The following FOXO3B variants were observed in gnomAD, a reference collection of about 807,000 sequenced individuals.
FOXO3B encodes the protein forkhead box O3B.
Under a neutral mutation model 21.9 loss-of-function variants are expected in FOXO3B, and 15 were observed. That is an observed-to-expected ratio of 0.68 (90% confidence interval 0.46 to 1.05). The LOEUF is 1.05. Among genes scored for constraint, FOXO3B ranks in the 50% least tolerant of loss-of-function variants. The pLI, the probability that FOXO3B is intolerant of heterozygous loss-of-function variation, is 0.00. For missense variants in FOXO3B, 293 were observed against 435.5 expected (o/e 0.67, Z 2.91); for synonymous variants, 135 against 213.6 (o/e 0.63, Z 3.21).
At position 18,671,041 on chromosome 17, in the gene FOXO3B, G is replaced by A. The variant is rs572953433; in HGVS notation, c.*1268C>T. The A allele has an allele frequency of 1.6e-4, 181 of 1,102,060 alleles. No individual in the cohort carries two copies. In the African/African-American group the frequency reaches 2.4e-3, roughly 15 times the overall value. The allele number at this position is 1,102,060 out of a possible 1,614,324, so 68.3% of individuals were successfully genotyped here. On this transcript the variant is annotated 3_prime_UTR_variant, in exon 4 of 4. Coordinates refer to ENST00000395675, the MANE Select transcript of FOXO3B (RefSeq NM_001368135.1). ...CCATCAGCATCCATGAGTTCACTACGGATAATGGACTCCATGTCACATTCC... is the reference window on the plus strand; with the variant it reads ...CCATCAGCATCCATGAGTTCACTACAGATAATGGACTCCATGTCACATTCC...
chr17:18,667,717 C>G lies in FOXO3B; in HGVS notation c.*4592G>C, dbSNP rs1366379121. 1 of 151,650 alleles carries G rather than the reference C, an allele frequency of 6.6e-6. No individual in the cohort carries two copies. Among genetic ancestry groups the G allele is most frequent in the Non-Finnish European group, 1.5e-5 (1 of 68,006 alleles). 9.4% of individuals were successfully genotyped at this position (151,650 alleles called of 1,614,324 possible). On this transcript the variant is annotated 3_prime_UTR_variant, in exon 4 of 4. Coordinates refer to ENST00000395675, the MANE Select transcript of FOXO3B (RefSeq NM_001368135.1). ...TGAAGGCTTGTGATAAAGCTCTTTC[C>G]TAGCTTTGGTAACAGGTATCAGGTT... is the stretch of plus-strand genomic sequence containing the variant.
At chr17:18,678,275 A>G (rs2032528733) in intron 3 of FOXO3B, among the ~76,000 whole-genome samples, 1 of 152,250 alleles carries the variant, frequency 6.6e-6, no homozygotes, top group Non-Finnish European at 1.5e-5. Context: ...TTAAAAAGCC[A>G]CATCCTATAT....
At position 18,672,726 on chromosome 17, in the gene FOXO3B, CTCG is replaced by C. The variant is rs2032396756; in HGVS notation, c.453_455del (p.Asp151del). Reference sequence around the variant, plus strand: ...CCGAGCCGGCCCGTCCCCCGCCGTCCTCGTCGTCTTCATCGTCCTCCTCCTCGG... The same window carrying C: ...CCGAGCCGGCCCGTCCCCCGCCGTCCTCGTCTTCATCGTCCTCCTCCTCGG... On this transcript the variant is annotated inframe_deletion, in exon 4 of 4. Coordinates refer to ENST00000395675, the MANE Select transcript of FOXO3B (RefSeq NM_001368135.1). The surrounding 1 kb of genome is among the most constrained non-coding windows in gnomAD (Gnocchi z 4.2). 3 of 1,532,290 alleles carry C rather than the reference CTCG, an allele frequency of 2.0e-6. No individual in the cohort carries two copies. Among genetic ancestry groups the C allele is most frequent in the Admixed American group, 2.0e-5 (1 of 50,582 alleles). The allele number at this position is 1,532,290 out of a possible 1,614,324, so 94.9% of individuals were successfully genotyped here.
In FOXO3B at chr17:18,669,992, G is replaced by C. The variant is rs1234378352; in HGVS notation, c.*2317C>G. ...CCCTTTTTGGGTGACATTTGGCAAT[G>C]AGTGGAGAGCTGAGCTGATTTCTTT... On this transcript the variant is annotated 3_prime_UTR_variant, in exon 4 of 4. Transcript: ENST00000395675. Among the ~76,000 whole-genome samples the C allele has an allele frequency of 6.7e-6, 1 of 149,148 alleles. No homozygotes were observed. Among genetic ancestry groups the C allele is most frequent in the East Asian group, 1.9e-4 (1 of 5,134 alleles).
Position 18,680,762 on chromosome 17 carries a change from C to A in FOXO3B, c.105G>T (p.Leu35=), listed in dbSNP as rs780781714. The A allele has an allele frequency of 1.2e-5, 19 of 1,613,784 alleles. No homozygotes were observed. Among genetic ancestry groups the A allele is most frequent in the Non-Finnish European group, 1.5e-5 (18 of 1,179,968 alleles). ...TCACCTGGGATCTGGCCGTGAGGCG[C>A]AGAGCAGCCACTTCTCCCTCTTCTG... ...KSTEEGEVAA[L]RLTARSQAAA... is the part of the protein sequence containing the mutation. The change falls in exon 3 of 4, where the codon CTG becomes CTT. Residue 35 remains leucine (L), a synonymous_variant. Coordinates refer to ENST00000395675, the MANE Select transcript of FOXO3B (RefSeq NM_001368135.1).
Position 18,670,409 on chromosome 17 carries a change from G to T in FOXO3B, c.*1900C>A, listed in dbSNP as rs1306880142. Among the ~76,000 whole-genome samples the T allele has an allele frequency of 6.6e-6, 1 of 152,348 alleles. No individual in the cohort carries two copies. Among genetic ancestry groups the T allele is most frequent in the East Asian group, 1.9e-4 (1 of 5,192 alleles). ...CTGGAATGGTAACTGGTACAACATT[G>T]TCTTTCTGTTTTTAAATTTGCTAGG... On this transcript the variant is annotated 3_prime_UTR_variant, in exon 4 of 4. Coordinates refer to ENST00000395675, the MANE Select transcript of FOXO3B (RefSeq NM_001368135.1).
In FOXO3B at chr17:18,671,578, T is replaced by C; in HGVS notation, c.*731A>G. On this transcript the variant is annotated 3_prime_UTR_variant, in exon 4 of 4. Coordinates refer to ENST00000395675, the MANE Select transcript of FOXO3B (RefSeq NM_001368135.1). ...GTAGCTGGCTTGTTCTCTTGGATGG[T>C]CTGCATGGGAGACTGGCGTAGGGAG... The C allele has an allele frequency of 1.2e-6, 2 of 1,613,086 alleles. No individual in the cohort carries two copies. The highest frequency in any genetic ancestry group is 1.7e-6 in the Non-Finnish European group (2 of 1,179,610).
Position 18,671,129 on chromosome 17 carries a change from C to T in FOXO3B, c.*1180G>A. 3.2e-6 allele frequency: 3 copies of T among 933,718 alleles called. No individual in the cohort carries two copies. In the South Asian group the frequency reaches 4.1e-5, roughly 13 times the overall value. The allele number at this position is 933,718 out of a possible 1,614,324, so 57.8% of individuals were successfully genotyped here. A position where few individuals can be genotyped will look rare whatever the true frequency, so the allele number is the denominator to read the frequency against. On this transcript the variant is annotated 3_prime_UTR_variant, in exon 4 of 4. Coordinates refer to ENST00000395675, the MANE Select transcript of FOXO3B (RefSeq NM_001368135.1). Reference sequence around the variant, plus strand: ...GGAACTTCTCATGGCCCATGACGGGCAGGTTTGCACTAGTTGAGTACAAGG... The same window carrying T: ...GGAACTTCTCATGGCCCATGACGGGTAGGTTTGCACTAGTTGAGTACAAGG...
chr17:18,668,597 C>A lies in FOXO3B; in HGVS notation c.*3712G>T, dbSNP rs1373737012. 6.6e-6 allele frequency: 1 copy of A among 152,482 alleles called. No individual in the cohort carries two copies. The highest frequency in any genetic ancestry group is 1.5e-5 in the Non-Finnish European group (1 of 68,052). 9.4% of individuals were successfully genotyped at this position (152,482 alleles called of 1,614,324 possible). A position where few individuals can be genotyped will look rare whatever the true frequency, so the allele number is the denominator to read the frequency against. On this transcript the variant is annotated 3_prime_UTR_variant, in exon 4 of 4. Transcript: ENST00000395675. ...TCTGTAAAACTGCAAAGGCAAGTAGCGATTTTGTTAGTTACTTTGCATGTT... is the reference window on the plus strand; with the variant it reads ...TCTGTAAAACTGCAAAGGCAAGTAGAGATTTTGTTAGTTACTTTGCATGTT...
In FOXO3B at chr17:18,672,340, T is replaced by G. The variant is rs2032385405; in HGVS notation, c.842A>C (p.Asp281Ala). 16 of 1,612,388 alleles carry G rather than the reference T, an allele frequency of 9.9e-6. No individual in the cohort carries two copies. In the South Asian group the frequency reaches 1.4e-4, roughly 14 times the overall value. Residue 281 changes from aspartate (D) to alanine (A), a missense_variant, in exon 4 of 4, where the codon GAT becomes GCT. By Grantham distance (126) the Asp-to-Ala change is moderately radical. Coordinates refer to ENST00000395675, the MANE Select transcript of FOXO3B (RefSeq NM_001368135.1). The surrounding 1 kb of genome is among the most constrained non-coding windows in gnomAD (Gnocchi z 4.2). ...WMVSCVPYFK[D>A]KGNSNSSAG ...GGCAGAGCTGTTGCTGTTGCCCTTA[T>G]CCTTGAAGTAGGGCACGCAACTCAC...
At position 18,668,440 on chromosome 17, in the gene FOXO3B, T is replaced by C. The variant is rs1296481552; in HGVS notation, c.*3869A>G. ...TGGTTCTAGGACATTCTGTAAGACA[T>C]TCTGCCTGAAATTCAACAAACGCTA... On this transcript the variant is annotated 3_prime_UTR_variant, in exon 4 of 4. Coordinates refer to ENST00000395675, the MANE Select transcript of FOXO3B (RefSeq NM_001368135.1). 1 of 152,592 alleles carries C rather than the reference T, an allele frequency of 6.6e-6. No individual in the cohort carries two copies. Among genetic ancestry groups the C allele is most frequent in the Non-Finnish European group, 1.5e-5 (1 of 68,026 alleles). The allele number at this position is 152,592 out of a possible 1,614,324, so 9.5% of individuals were successfully genotyped here. A position where few individuals can be genotyped will look rare whatever the true frequency, so the allele number is the denominator to read the frequency against.
chr17:18,670,868 G>A lies in FOXO3B; in HGVS notation c.*1441C>T, dbSNP rs2032351169. 2.5e-6 allele frequency: 4 copies of A among 1,590,036 alleles called. No homozygotes were observed. On this transcript the variant is annotated 3_prime_UTR_variant, in exon 4 of 4. Transcript: ENST00000395675. Reference sequence around the variant, plus strand: ...CTGTAGGTCTTGTGTCAGTTTGAGGGTCTGCTTTGCCCACTTCCCCTTCCT... The same window carrying A: ...CTGTAGGTCTTGTGTCAGTTTGAGGATCTGCTTTGCCCACTTCCCCTTCCT...
chr17:18,672,505 G>A lies in FOXO3B; in HGVS notation c.677C>T (p.Ala226Val), dbSNP rs2032389971. 11 of 1,526,136 alleles carry A rather than the reference G, an allele frequency of 7.2e-6. No individual in the cohort carries two copies. The highest frequency in any genetic ancestry group is 9.7e-6 in the Non-Finnish European group (11 of 1,135,022). 94.5% of individuals were successfully genotyped at this position (1,526,136 alleles called of 1,614,324 possible). Reference sequence around the variant, plus strand: ...TTTCCTCGGCTGCCCGGAGCCCCCAGCCGCCCCCGGCTGCGGCGGTGGCAG... The same window carrying A: ...TTTCCTCGGCTGCCCGGAGCCCCCAACCGCCCCCGGCTGCGGCGGTGGCAG... The part of the protein sequence containing the change: ...QPLPPPQPGA[A>V]GGSGQPRKCS... The change falls in exon 4 of 4, where the codon GCT becomes GTT. Residue 226 changes from alanine to valine, a missense_variant. Physicochemically the swap from Ala to Val is moderately conservative, Grantham distance 64 (BLOSUM62 0). Around this residue, in one of 2 missense-constraint regions of FOXO3B, gnomAD observed 251 missense variants for 404.0 expected, o/e 0.62. Coordinates refer to ENST00000395675, the MANE Select transcript of FOXO3B (RefSeq NM_001368135.1). This position sits in a 1 kb window ranked among gnomAD's most constrained non-coding sequence, Gnocchi z 4.2.
Position 18,672,931 on chromosome 17 carries a change from G to T in FOXO3B, c.251C>A (p.Ala84Glu). 1.3e-6 allele frequency: 2 copies of T among 1,534,722 alleles called. No individual in the cohort carries two copies. Among genetic ancestry groups the T allele is most frequent in the Non-Finnish European group, 8.8e-7 (1 of 1,142,088 alleles). Residue 84 changes from alanine (A) to glutamate (E), a missense_variant, in exon 4 of 4, where the codon GCG becomes GAG. Physicochemically the swap from Ala to Glu is moderately radical, Grantham distance 107. Around this residue, in one of 2 missense-constraint regions of FOXO3B, gnomAD observed 251 missense variants for 404.0 expected, o/e 0.62. Transcript: ENST00000395675. The surrounding 1 kb of genome is among the most constrained non-coding windows in gnomAD (Gnocchi z 4.2). The stretch of plus-strand genomic sequence containing the variant: ...GGAAGCCGGTGCCTCTGCCATCTTC[G>T]CCGCCCGCCCGGCCGCGGCTGGGGT... The part of the protein sequence containing the change: ...ARTPAAAGRA[A>E]KMAEAPASPA...
At position 18,671,941 on chromosome 17, in the gene FOXO3B, G is replaced by A. The variant is rs571098602; in HGVS notation, c.*368C>T. 16 of 1,613,508 alleles carry A rather than the reference G, an allele frequency of 9.9e-6. No homozygotes were observed. The East Asian group carries it at 3.3e-4, about 34-fold the overall frequency. On this transcript the variant is annotated 3_prime_UTR_variant, in exon 4 of 4. Coordinates refer to ENST00000395675, the MANE Select transcript of FOXO3B (RefSeq NM_001368135.1). The stretch of plus-strand genomic sequence containing the variant: ...CTGGACTTCATCCAACTCTGTGCTT[G>A]CCATGATGGGCGACAGGCGGCCACT...
At chr17:18,674,647 G>GGGGGC (rs200320981) in intron 3 of FOXO3B, among the ~76,000 whole-genome samples, 1 of 145,928 alleles carries the variant, frequency 6.9e-6, no homozygotes, top group African/African-American at 2.6e-5. Context: ...AAAGGGGGGG[G>GGGGGC]GGAGATTACA....
rs9890990 is a variant in FOXO3B at position 18,668,252 on chromosome 17, G to A, written c.*4057C>T. ...CTTTACCCTGGTCTCAGCTCTCCAC[G>A]ACACTCTACATGTAGATGCTGTTTT... On this transcript the variant is annotated 3_prime_UTR_variant, in exon 4 of 4. Transcript: ENST00000395675. 63,028 of 151,854 alleles carry A rather than the reference G, an allele frequency of 0.42. 13,253 individuals carry two copies. The highest frequency in any genetic ancestry group is 0.48 in the Middle Eastern group (141 of 294). The allele number at this position is 151,854 out of a possible 1,614,324, so 9.4% of individuals were successfully genotyped here. A position where few individuals can be genotyped will look rare whatever the true frequency, so the allele number is the denominator to read the frequency against.
Position 18,672,026 on chromosome 17 carries a change from C to A in FOXO3B, c.*283G>T, listed in dbSNP as rs1027089414. On this transcript the variant is annotated 3_prime_UTR_variant, in exon 4 of 4. Coordinates refer to ENST00000395675, the MANE Select transcript of FOXO3B (RefSeq NM_001368135.1). This position sits in a 1 kb window ranked among gnomAD's most constrained non-coding sequence, Gnocchi z 4.2. ...AAGTCCGTCCACGCATCCAGCTCAT[C>A]ACTGCTGCGTGACGTGGGGCTGCCA... 1.3e-5 allele frequency: 21 copies of A among 1,611,766 alleles called. No individual in the cohort carries two copies. Among genetic ancestry groups the A allele is most frequent in the Non-Finnish European group, 1.7e-5 (20 of 1,178,958 alleles).
At chr17:18,674,080 T>C (rs1046651457) in intron 3 of FOXO3B, among the ~76,000 whole-genome samples, 28 of 151,982 alleles carry the variant, frequency 1.8e-4, no homozygotes, top group Non-Finnish European at 3.4e-4. Context: ...TGAAGTATCG[T>C]TGACATAAGC....
Sources: allele counts gnomAD v4.1 joint callset (sites outside exome capture counted in the v4.1 genomes callset), GRCh38; gene constraint gnomAD v4.1.1; regional missense constraint gnomAD v4.1.1; non-coding constraint Gnocchi (gnomAD v3.1); transcripts MANE v1.5; gene names NCBI Gene and HGNC (gene_info 2026-07-23, HGNC 2026-07-21).